Variants in CDH19 observed in about 807,000 individuals in gnomAD.
The protein encoded by CDH19 is cadherin 19, also known as cadherin-19.
A neutral mutation model predicts 64.2 loss-of-function variants in CDH19; 67 were observed. The ratio of observed to expected loss-of-function variants is 1.04; its 90% CI spans 0.86 to 1.28. CDH19 has a LOEUF of 1.28. CDH19 is among the 50% of genes most tolerant of loss of function. The pLI is 0.00. For synonymous variants in CDH19, 346 were observed against 319.3 expected (o/e 1.08, Z -0.89); for missense variants, 1,030 against 929.0 (o/e 1.11, Z -1.41).
intron 1 of CDH19, among the ~76,000 whole-genome samples, chr18:66,578,396 G>A (rs549546908): frequency 4.6e-5 from 7 of 151,770 alleles, no homozygotes; most frequent in Non-Finnish European, 7.4e-5. Context: ...CAGTTTCAAC[G>A]GGTAAATGCA....
intron 3 of CDH19, among the ~76,000 whole-genome samples, chr18:66,567,677 C>A (rs1415661544): frequency 1.3e-5 from 2 of 151,674 alleles, no homozygotes; most frequent in African/African-American, 4.8e-5. Flanking sequence ...TTTAAAATGG[C>A]CATTATCAAG....
At chr18:66,597,396 C>A (rs1214563656) in intron 1 of CDH19, among the ~76,000 whole-genome samples, 2 of 151,998 alleles carry the variant, frequency 1.3e-5, no homozygotes, top group Non-Finnish European at 2.9e-5. Flanking sequence ...GGATAACTGG[C>A]TAGGCATATT....
At chr18:66,556,215 A>G (rs1987513572) in intron 3 of CDH19, among the ~76,000 whole-genome samples, 2 of 151,710 alleles carry the variant, frequency 1.3e-5, no homozygotes, top group Admixed American at 6.6e-5. Flanking sequence ...TAACATGATT[A>G]CTATAGTAAA....
intron 10 of CDH19, among the ~76,000 whole-genome samples, chr18:66,511,071 C>T (rs975731806): frequency 6.6e-6 from 1 of 151,700 alleles, no homozygotes; most frequent in East Asian, 1.9e-4. Flanking sequence ...CTTTGGAACA[C>T]TTAATCCTTA....
At chr18:66,599,755 G>T (rs1216246913) in intron 1 of CDH19, among the ~76,000 whole-genome samples, 2 of 151,846 alleles carry the variant, frequency 1.3e-5, no homozygotes, top group Non-Finnish European at 2.9e-5. Context: ...TAACATTAAT[G>T]GCATGAATAT....
chr18:66,581,524 G>T (rs1988420918), intron 1 of CDH19, among the ~76,000 whole-genome samples: 1 of 152,088 alleles, frequency 6.6e-6, no homozygotes, highest in Non-Finnish European at 1.5e-5. Context: ...AGTCACAGCT[G>T]CCAGCATGGC....
chr18:66,545,397 T>C (rs368914995), intron 5 of CDH19, among the ~76,000 whole-genome samples: 1 of 125,222 alleles, frequency 8.0e-6, no homozygotes, highest in African/African-American at 5.1e-5. Flanking sequence ...CCTTTCTTTC[T>C]TTCCTTCCTT....
intron 9 of CDH19, among the ~76,000 whole-genome samples, chr18:66,527,772 C>T (rs1392815949): frequency 6.6e-6 from 1 of 150,856 alleles, no homozygotes; most frequent in Non-Finnish European, 1.5e-5. Context: ...ATATAAAAAA[C>T]AGAACTTTGT....
intron 8 of CDH19, among the ~76,000 whole-genome samples, chr18:66,531,003 AAGAATGATGGTTTAGCCCAT>A (rs1439348600): frequency 1.3e-5 from 2 of 152,168 alleles, no homozygotes; most frequent in Non-Finnish European, 2.9e-5. Context: ...CACAGGTAAG[AAGAATGATGGTTTAGCCCAT>A]GCCATTTTTG....
At chr18:66,593,151 A>G (rs1988790648) in intron 1 of CDH19, among the ~76,000 whole-genome samples, 2 of 151,996 alleles carry the variant, frequency 1.3e-5, no homozygotes, top group African/African-American at 4.8e-5. Flanking sequence ...CCTGATGATT[A>G]GTGATGTTGA....
chr18:66,554,277 G>T, intron 4 of CDH19, 128 bp downstream of exon 4: 1 of 820,666 alleles, frequency 1.2e-6, no homozygotes, highest in African/African-American at 1.7e-5. Flanking sequence ...AAATGCTTAG[G>T]AATTGCAATC....
At chr18:66,603,194 T>C (rs887355828) in intron 1 of CDH19, among the ~76,000 whole-genome samples, 1 of 150,610 alleles carries the variant, frequency 6.6e-6, no homozygotes, top group African/African-American at 2.4e-5. Context: ...ATTAAATCCC[T>C]TTGGTAAACT....
rs538891695 is a variant in CDH19, at chr18:66,502,210, A to C, written c.*2602T>G. 6.6e-6 allele frequency: 1 copy of C among 152,098 alleles called. No homozygotes were observed. The highest frequency in any genetic ancestry group is 1.5e-5 in the Non-Finnish European group (1 of 67,998). 9.4% of individuals were successfully genotyped at this position (152,098 alleles called of 1,614,324 possible). On this transcript the variant is annotated 3_prime_UTR_variant, in exon 12 of 12. Transcript: ENST00000262150. Reference sequence around the variant, plus strand: ...AGGAAGTTGCACCTTCTGTATTAGAATCAGATAGTATCTTTTGATGTGGTT... The same window carrying C: ...AGGAAGTTGCACCTTCTGTATTAGACTCAGATAGTATCTTTTGATGTGGTT...
intron 8 of CDH19, among the ~76,000 whole-genome samples, chr18:66,530,996 A>G (rs149525809): frequency 1.0e-3 from 158 of 152,172 alleles, no homozygotes; most frequent in African/African-American, 3.7e-3. Context: ...CTCTCACCAC[A>G]GGTAAGAAGA....
intron 10 of CDH19, among the ~76,000 whole-genome samples, chr18:66,510,902 G>A (rs1445924269): frequency 6.6e-6 from 1 of 151,510 alleles, no homozygotes; most frequent in Non-Finnish European, 1.5e-5. Context: ...AATCAACTGT[G>A]TTTCATAACT....
In CDH19 at chr18:66,527,796, T is replaced by C. The variant is rs556506294; in HGVS notation, c.1458+2049A>G. 9.6e-4 allele frequency among the ~76,000 whole-genome samples: 146 copies of C among 151,900 alleles called. 1 individual carries two copies. The highest frequency in any genetic ancestry group is 9.7e-4 in the Non-Finnish European group (66 of 67,964). On this transcript the variant is annotated intron_variant, in intron 9 of 11. Coordinates refer to ENST00000262150, the MANE Select transcript of CDH19 (RefSeq NM_021153.4). ...ACAGAACTTTGTCCAATTAACATAC[T>C]TACCACATGGGACATTTACAGAAAT...
intron 5 of CDH19, among the ~76,000 whole-genome samples, chr18:66,549,168 A>G (rs1987249745): frequency 6.6e-6 from 1 of 152,164 alleles, no homozygotes; most frequent in Non-Finnish European, 1.5e-5. Context: ...AGACTTGAGT[A>G]ATAAAGATAA....
chr18:66,597,001 T>G (rs1169246333), intron 1 of CDH19, among the ~76,000 whole-genome samples: 30 of 132,718 alleles, frequency 2.3e-4, no homozygotes, highest in East Asian at 6.6e-4. Context: ...AGAATGGCGT[T>G]AACCCGGGAG....
intron 1 of CDH19, among the ~76,000 whole-genome samples, chr18:66,599,309 A>G (rs192671656): frequency 6.5e-4 from 99 of 152,190 alleles, no homozygotes; most frequent in African/African-American, 2.1e-3. Context: ...GCCAGCACGG[A>G]AAGAGAAATA....
Sources: allele counts gnomAD v4.1 joint callset (sites outside exome capture counted in the v4.1 genomes callset), GRCh38; gene constraint gnomAD v4.1.1; transcripts MANE v1.5; gene names NCBI Gene and HGNC (gene_info 2026-07-23, HGNC 2026-07-21).